Variants in NHS observed in about 807,000 individuals in gnomAD.
NHS encodes the protein actin remodeling regulator NHS.
In NHS, 5 loss-of-function variants were observed where a neutral mutation model predicts 72.5. That is an observed-to-expected ratio of 0.07 (90% CI 0.04 to 0.14). NHS has a LOEUF of 0.14. Ranked by LOEUF, NHS falls within the 10% of genes least tolerant of loss-of-function variation. The pLI, the probability that NHS is intolerant of heterozygous loss-of-function variation, is 1.00. For missense variants in NHS, 1,072 were observed against 1,355.7 expected, an observed-to-expected ratio of 0.79 and a Z score of 3.29; for synonymous variants, 464 against 547.7, an observed-to-expected ratio of 0.85 and a Z score of 2.13.
At chrX:17,443,404 G>C (rs915749335) in intron 1 of NHS, among the ~76,000 whole-genome samples, 1 of 111,621 alleles carries the variant, frequency 9.0e-6, no homozygotes, top group Non-Finnish European at 1.9e-5. Flanking sequence ...CCAGAGCCCT[G>C]TCCTCTCCCC....
At chrX:17,652,893 A>G (rs2065937000) in intron 1 of NHS, among the ~76,000 whole-genome samples, 1 of 111,516 alleles carries the variant, frequency 9.0e-6, no homozygotes, top group African/African-American at 3.3e-5. Flanking sequence ...AATAATTTAA[A>G]ATATATATCA....
intron 3 of NHS, among the ~76,000 whole-genome samples, chrX:17,692,801 C>T (rs1209350567): frequency 9.1e-6 from 1 of 110,048 alleles, no homozygotes; most frequent in African/African-American, 3.3e-5. Context: ...ATGTTCTTTG[C>T]CCTCAGTTCC....
chrX:17,431,982 C>T (rs752899500), intron 1 of NHS, among the ~76,000 whole-genome samples: 1 of 111,977 alleles, frequency 8.9e-6, no homozygotes, highest in East Asian at 2.8e-4. Context: ...TGTCTTCATC[C>T]CATGTATAGC....
rs1230798911 is a variant in NHS at position 17,428,940 on chromosome X, C to T, written c.565+52618C>T. 2.7e-5 allele frequency among the ~76,000 whole-genome samples: 3 copies of T among 111,131 alleles called. No individual in the cohort carries two copies. The Admixed American group carries it at 2.9e-4, about 11-fold the overall frequency. ...TGTTCCCTCATCTCCTCTTGAATTC[C>T]AACTGCAATTAAATTTATCAAATAT... On this transcript the variant is annotated intron_variant, in intron 1 of 8. Coordinates refer to ENST00000676302, the MANE Select transcript of NHS (RefSeq NM_001291867.2).
chrX:17,574,148 C>T (rs974203388), intron 1 of NHS, among the ~76,000 whole-genome samples: 2 of 112,045 alleles, frequency 1.8e-5, no homozygotes, highest in Non-Finnish European at 3.8e-5. Flanking sequence ...CAGGGACCCA[C>T]TTGAGGCAGT....
At chrX:17,387,009 A>G (rs1352746397) in intron 1 of NHS, among the ~76,000 whole-genome samples, 1 of 112,431 alleles carries the variant, frequency 8.9e-6, no homozygotes, top group East Asian at 2.8e-4. Context: ...ACAAGATTCT[A>G]TGCTGTCACC....
chrX:17,727,923 G>A lies in NHS; in HGVS notation c.3817G>A (p.Gly1273Arg). 1 of 1,211,661 alleles carries A rather than the reference G, an allele frequency of 8.3e-7. No individual in the cohort carries two copies. ...CAAAAACTGTGCTTTTCCCACAGAAGGATTTCAGAGGGTCTCTGCTGCCCG... is the reference window on the plus strand; with the variant it reads ...CAAAAACTGTGCTTTTCCCACAGAAAGATTTCAGAGGGTCTCTGCTGCCCG... ...PTKNCAFPTE[G>R]FQRVSAARPN... Residue 1273 changes from glycine to arginine, a missense_variant, in exon 7 of 9, where the codon GGA becomes AGA. Physicochemically the swap from Gly to Arg is moderately radical, Grantham distance 125. Coordinates refer to ENST00000676302, the MANE Select transcript of NHS (RefSeq NM_001291867.2).
intron 1 of NHS, among the ~76,000 whole-genome samples, chrX:17,403,448 A>G (rs111703906): frequency 0.041 from 4,578 of 111,220 alleles, 243 homozygotes; most frequent in African/African-American, 0.14. Flanking sequence ...GGGCTGGATC[A>G]TTTTCTCCCA....
chrX:17,516,572 C>T (rs1304346066), intron 1 of NHS, among the ~76,000 whole-genome samples: 1 of 35,597 alleles, frequency 2.8e-5, no homozygotes, highest in East Asian at 1.1e-3. Flanking sequence ...CACACACGCG[C>T]ACACACACAC....
intron 1 of NHS, among the ~76,000 whole-genome samples, chrX:17,497,849 A>T (rs1416782490): frequency 8.9e-6 from 1 of 111,825 alleles, no homozygotes; most frequent in Non-Finnish European, 1.9e-5. Flanking sequence ...ATTGATGGGT[A>T]TTTAGGTTAC....
At chrX:17,444,829 G>A (rs893547941) in intron 1 of NHS, among the ~76,000 whole-genome samples, 2 of 110,604 alleles carry the variant, frequency 1.8e-5, no homozygotes, top group Admixed American at 1.9e-4. Flanking sequence ...ATGTGAGAGT[G>A]TTGGGAAATG....
intron 1 of NHS, among the ~76,000 whole-genome samples, chrX:17,420,783 T>C (rs2064619244): frequency 8.9e-6 from 1 of 112,178 alleles, no homozygotes; most frequent in South Asian, 3.7e-4. Flanking sequence ...AAAAGCAGTC[T>C]TCAACCTCAC....
Position 17,434,854 on chromosome X carries a change from C to T in NHS, c.565+58532C>T, listed in dbSNP as rs111787876. On this transcript the variant is annotated intron_variant, in intron 1 of 8. Coordinates refer to ENST00000676302, the MANE Select transcript of NHS (RefSeq NM_001291867.2). Reference sequence around the variant, plus strand: ...GCTCCTGCCTTCTTGGAGCTGGCATCTGTTGGAAGCCAGGCAATTGAATGA... The same window carrying T: ...GCTCCTGCCTTCTTGGAGCTGGCATTTGTTGGAAGCCAGGCAATTGAATGA... Among the ~76,000 whole-genome samples, 199 of 112,022 alleles carry T rather than the reference C, an allele frequency of 1.8e-3. 3 individuals carry two copies. Among genetic ancestry groups the T allele is most frequent in the African/African-American group, 6.1e-3 (187 of 30,818 alleles).
At chrX:17,437,497 C>T (rs915486954) in intron 1 of NHS, among the ~76,000 whole-genome samples, 2 of 111,694 alleles carry the variant, frequency 1.8e-5, no homozygotes, top group Admixed American at 1.9e-4. Context: ...TCACAAAGTG[C>T]TGTACCTTCC....
intron 1 of NHS, among the ~76,000 whole-genome samples, chrX:17,383,976 T>C (rs1196520400): frequency 2.7e-5 from 3 of 112,208 alleles, no homozygotes; most frequent in South Asian, 3.8e-4. Context: ...TATTGCCCTT[T>C]GGAATGCATA....
chrX:17,551,516 C>T (rs2065336309), intron 1 of NHS, among the ~76,000 whole-genome samples: 1 of 112,070 alleles, frequency 8.9e-6, no homozygotes, highest in African/African-American at 3.3e-5. Flanking sequence ...TCAGATCTTC[C>T]TCCCGTAAAC....
intron 1 of NHS, among the ~76,000 whole-genome samples, chrX:17,424,633 G>A (rs898490093): frequency 8.9e-6 from 1 of 112,111 alleles, no homozygotes; most frequent in Non-Finnish European, 1.9e-5. Context: ...TTTGGAAGAA[G>A]AAAAGGAATA....
At chrX:17,454,105 C>T (rs1019702448) in intron 1 of NHS, among the ~76,000 whole-genome samples, 1 of 111,862 alleles carries the variant, frequency 8.9e-6, no homozygotes, top group Non-Finnish European at 1.9e-5. Context: ...TAAGTTGATG[C>T]TTCCCTTTCC....
At chrX:17,563,783 G>A (rs2065427449) in intron 1 of NHS, among the ~76,000 whole-genome samples, 1 of 102,329 alleles carries the variant, frequency 9.8e-6, no homozygotes, top group African/African-American at 3.5e-5. Flanking sequence ...GGTGGCAAAC[G>A]TATGTGATGG....
Sources: allele counts gnomAD v4.1 joint callset (sites outside exome capture counted in the v4.1 genomes callset), GRCh38; gene constraint gnomAD v4.1.1; transcripts MANE v1.5; gene names NCBI Gene and HGNC (gene_info 2026-07-23, HGNC 2026-07-21).